ARSG: variants seen among roughly 807,000 people sequenced by gnomAD.
ARSG encodes the protein arylsulfatase G.
Under a neutral mutation model 50.5 loss-of-function variants are expected in ARSG, and 37 were observed. The observed-to-expected ratio is 0.73, with a 90% confidence interval of 0.56 to 0.96. The LOEUF (loss-of-function observed/expected upper bound fraction) is 0.96. Among genes scored for constraint, ARSG ranks in the 50% least tolerant of loss-of-function variants. The pLI is 0.00. For missense variants in ARSG, 629 were observed against 675.3 expected, an observed-to-expected ratio of 0.93 and a Z score of 0.76; for synonymous variants, 225 against 254.6, an observed-to-expected ratio of 0.88 and a Z score of 1.11.
chr17:68,324,384 A>G (rs547006392), intron 2 of ARSG, among the ~76,000 whole-genome samples: 9 of 152,286 alleles, frequency 5.9e-5, no homozygotes, highest in Admixed American at 1.3e-4. Flanking sequence ...ACCACCAAGC[A>G]TGACTCTCAG....
chr17:68,372,769 G>A (rs894603524), intron 8 of ARSG, among the ~76,000 whole-genome samples: 1 of 151,892 alleles, frequency 6.6e-6, no homozygotes, highest in East Asian at 1.9e-4. Flanking sequence ...GTCTCCAGGA[G>A]GTCTCCACTA....
At chr17:68,308,242 G>T (rs1163496904) in intron 2 of ARSG, among the ~76,000 whole-genome samples, 4 of 152,208 alleles carry the variant, frequency 2.6e-5, no homozygotes, top group African/African-American at 9.6e-5. Context: ...TGGGTTCTTG[G>T]TCTCACTGAC....
the ARSG span, among the ~76,000 whole-genome samples, chr17:68,430,734 A>T: frequency 6.6e-6 from 1 of 152,304 alleles, no homozygotes; most frequent in South Asian, 2.1e-4. Context: ...ACTTCATCCC[A>T]AGGCCTCTGC....
intron 9 of ARSG, among the ~76,000 whole-genome samples, chr17:68,387,424 C>G (rs1044148766): frequency 1.3e-5 from 2 of 152,244 alleles, no homozygotes; most frequent in Non-Finnish European, 1.5e-5. Flanking sequence ...CCATCACACA[C>G]AGCCAAGGCT....
chr17:68,283,712 T>TA (rs1206535189), intron 1 of ARSG, among the ~76,000 whole-genome samples: 32 of 145,026 alleles, frequency 2.2e-4, no homozygotes, highest in African/African-American at 4.8e-4. Flanking sequence ...CTGTCTCTAC[T>TA]AAAAAAAAAT....
downstream of ARSG, chr17:68,421,655 C>G: frequency 1.4e-5 from 20 of 1,442,894 alleles, no homozygotes; most frequent in Non-Finnish European, 1.9e-5. Context: ...CAGTGGAGCA[C>G]CCGGGATTCC....
At chr17:68,276,324 T>C (rs1555750906) in intron 1 of ARSG, among the ~76,000 whole-genome samples, 1 of 152,128 alleles carries the variant, frequency 6.6e-6, no homozygotes, top group Non-Finnish European at 1.5e-5. Flanking sequence ...AGACATTCTA[T>C]GGCTAAAAAT....
intron 4 of ARSG, among the ~76,000 whole-genome samples, chr17:68,349,661 A>G (rs1599828577): frequency 6.6e-6 from 1 of 152,200 alleles, no homozygotes; most frequent in Non-Finnish European, 1.5e-5. Flanking sequence ...AGGCAGGTGG[A>G]TTACTTGAGG....
intron 3 of ARSG, among the ~76,000 whole-genome samples, chr17:68,345,228 A>G (rs991151919): frequency 6.6e-6 from 1 of 152,160 alleles, no homozygotes; most frequent in East Asian, 1.9e-4. Flanking sequence ...TCCCAGCACT[A>G]TGGAAGGCCG....
intron 1 of ARSG, among the ~76,000 whole-genome samples, chr17:68,277,918 G>A (rs2075576661): frequency 6.6e-6 from 1 of 152,136 alleles, no homozygotes. Context: ...AGTGCCTTTT[G>A]TTTCTTGCCA....
chr17:68,319,845 A>T (rs562206655), intron 2 of ARSG, among the ~76,000 whole-genome samples: 1 of 152,328 alleles, frequency 6.6e-6, no homozygotes, highest in South Asian at 2.1e-4. Flanking sequence ...TTGCTTTTAT[A>T]ACCTGAGGTA....
chr17:68,321,907 C>T (rs1555770705), intron 2 of ARSG, among the ~76,000 whole-genome samples: 1 of 152,102 alleles, frequency 6.6e-6, no homozygotes, highest in Non-Finnish European at 1.5e-5. Flanking sequence ...TTCCAAATAA[C>T]AAGGTCATTT....
intron 1 of ARSG, among the ~76,000 whole-genome samples, chr17:68,273,073 AG>A (rs201990796): frequency 0.014 from 2,083 of 152,266 alleles, 23 homozygotes; most frequent in Middle Eastern, 0.027. Flanking sequence ...ATTTTATATA[AG>A]ATTTGTATCT....
intron 10 of ARSG, among the ~76,000 whole-genome samples, chr17:68,397,967 G>A (rs1242881066): frequency 1.3e-5 from 2 of 152,020 alleles, no homozygotes; most frequent in Non-Finnish European, 1.5e-5. Context: ...GGGTTTCACT[G>A]TGTTGGCCAG....
At chr17:68,396,931 G>A (rs2081273593) in intron 10 of ARSG, among the ~76,000 whole-genome samples, 1 of 152,186 alleles carries the variant, frequency 6.6e-6, no homozygotes, top group Non-Finnish European at 1.5e-5. Flanking sequence ...TTAGCAGTAT[G>A]TGACCCTGGA....
At chr17:68,366,476 A>C (rs2079552294) in intron 6 of ARSG, among the ~76,000 whole-genome samples, 3 of 152,326 alleles carry the variant, frequency 2.0e-5, no homozygotes, top group Middle Eastern at 3.4e-3. Context: ...CCATTCACTC[A>C]GCAGGATGTC....
chr17:68,280,053 G>A (rs1464042107), intron 1 of ARSG, among the ~76,000 whole-genome samples: 1 of 151,818 alleles, frequency 6.6e-6, no homozygotes, highest in Non-Finnish European at 1.5e-5. Context: ...ATGGTGGCAG[G>A]CACCTGTAAT....
chr17:68,304,648 C>A (rs2076540023), intron 1 of ARSG, among the ~76,000 whole-genome samples: 1 of 152,204 alleles, frequency 6.6e-6, no homozygotes, highest in African/African-American at 2.4e-5. Flanking sequence ...CTTTAATCTG[C>A]TCCATACACT....
intron 8 of ARSG, among the ~76,000 whole-genome samples, chr17:68,382,763 T>C (rs543623069): frequency 4.6e-5 from 7 of 152,330 alleles, no homozygotes; most frequent in Admixed American, 2.6e-4. Context: ...ATTTTACAAT[T>C]GCCTGTTCAC....
Sources: allele counts gnomAD v4.1 joint callset (sites outside exome capture counted in the v4.1 genomes callset), GRCh38; gene constraint gnomAD v4.1.1; transcripts MANE v1.5; gene names NCBI Gene and HGNC (gene_info 2026-07-23, HGNC 2026-07-21).